Variants in RACGAP1 observed in about 807,000 individuals in gnomAD.
RACGAP1 encodes Rac GTPase activating protein 1.
Under a neutral mutation model 78.1 loss-of-function variants are expected in RACGAP1, and 30 were observed. The ratio of observed to expected loss-of-function variants is 0.38; its 90% confidence interval spans 0.29 to 0.52. The LOEUF (loss-of-function observed/expected upper bound fraction) is 0.52. Ranked by LOEUF, RACGAP1 falls within the 20% of genes least tolerant of loss-of-function variation. RACGAP1 has a pLI of 0.82. For missense variants in RACGAP1, 587 were observed against 777.1 expected, an observed-to-expected ratio of 0.76 and a Z score of 2.91; for synonymous variants, 231 against 264.8, an observed-to-expected ratio of 0.87 and a Z score of 1.24.
intron 2 of RACGAP1, among the ~76,000 whole-genome samples, chr12:50,030,848 C>T (rs932807037): frequency 3.3e-5 from 5 of 151,628 alleles, no homozygotes; most frequent in Non-Finnish European, 5.9e-5. Flanking sequence ...GGCGTGATCT[C>T]GGCCCACTGC....
intron 3 of RACGAP1, 71 bp from the exon 4 acceptor site, chr12:50,005,463 A>G (rs1334679305): frequency 1.4e-5 from 22 of 1,567,708 alleles, no homozygotes; most frequent in African/African-American, 1.2e-4. Flanking sequence ...TTTATGGGAC[A>G]GGCAGACCAG....
At chr12:50,006,065 G>GT (rs1948957099) in intron 3 of RACGAP1, among the ~76,000 whole-genome samples, 1 of 152,202 alleles carries the variant, frequency 6.6e-6, no homozygotes, top group South Asian at 2.1e-4. Flanking sequence ...AGCTACTCAT[G>GT]TAAGGATGGA....
chr12:49,996,628 TAAAAAAAAAAAAAAAAAAAAAAAAAAA>T (rs57512055), intron 10 of RACGAP1, among the ~76,000 whole-genome samples: 3 of 18,996 alleles, frequency 1.6e-4, no homozygotes, highest in South Asian at 1.8e-3. Context: ...GCAATAGAGC[TAAAAAAAAAAAAAAAAAAAAAAAAAAA>T]AAAAAAAAAA....
intron 15 of RACGAP1, among the ~76,000 whole-genome samples, chr12:49,991,453 A>T (rs1331042745): frequency 1.3e-5 from 1 of 79,056 alleles, no homozygotes. Flanking sequence ...TTATATTTAA[A>T]CTATTATATA....
chr12:49,999,467 A>G, intron 8 of RACGAP1, 149 bp downstream of exon 8: 1 of 963,872 alleles, frequency 1.0e-6, no homozygotes, highest in South Asian at 1.6e-5. Flanking sequence ...GTAAAGCATG[A>G]CACAAGCAGT....
At chr12:50,018,981 C>A (rs1051859051) in intron 1 of RACGAP1, among the ~76,000 whole-genome samples, 1 of 152,030 alleles carries the variant, frequency 6.6e-6, no homozygotes, top group Non-Finnish European at 1.5e-5. Context: ...CTGTTCTACT[C>A]TTCCTGTTCA....
rs145954463 is a variant in RACGAP1, at chr12:50,030,646, G to A, written c.-24+1051C>T. ...AGAGGTTGCAGTAACCCGCGATTGC[G>A]CCACTGCACTCCAGACTGGGCGACA... On this transcript the variant is annotated intron_variant, in intron 2 of 3. Transcript: ENST00000548247. Among the ~76,000 whole-genome samples the A allele has an allele frequency of 3.8e-3, 576 of 151,524 alleles. 4 individuals carry two copies. Among genetic ancestry groups the A allele is most frequent in the African/African-American group, 0.013 (530 of 41,264 alleles).
At chr12:49,994,027 G>T in intron 12 of RACGAP1, 104 bp downstream of exon 12, 1 of 1,149,512 alleles carries the variant, frequency 8.7e-7, no homozygotes, top group Non-Finnish European at 1.2e-6. Flanking sequence ...CTGGGCGAGA[G>T]TGAGACTCTG....
chr12:50,002,250 C>CT lies in RACGAP1; in HGVS notation c.545dup (p.Arg183GlufsTer5). On this transcript the variant is annotated frameshift_variant, in exon 6 of 17. Transcript: ENST00000312377. LOFTEE classifies it high-confidence loss of function. ...AGACTAAACAAATCATACATACCCTCTTTTCTCTCTTCTTCAGTTTGAAAG... is the reference window on the plus strand; with the variant it reads ...AGACTAAACAAATCATACATACCCTCTTTTTCTCTCTTCTTCAGTTTGAAAG... The CT allele has an allele frequency of 6.2e-7, 1 of 1,613,124 alleles. No homozygotes were observed. The highest frequency in any genetic ancestry group is 8.5e-7 in the Non-Finnish European group (1 of 1,179,450).
At chr12:50,018,700 G>A (rs1051893541) in intron 1 of RACGAP1, 19 of 376,704 alleles carry the variant, frequency 5.0e-5, no homozygotes, top group African/African-American at 1.9e-4. Flanking sequence ...TCAATACCAC[G>A]GCAAAACTTC....
At chr12:50,022,604 A>G (rs1391891834) in intron 1 of RACGAP1, among the ~76,000 whole-genome samples, 1 of 152,184 alleles carries the variant, frequency 6.6e-6, no homozygotes, top group Non-Finnish European at 1.5e-5. Context: ...AAACGAAAAC[A>G]AAAACAAAAA....
At chr12:50,021,456 GAA>G (rs1950006019) in intron 1 of RACGAP1, among the ~76,000 whole-genome samples, 1 of 152,318 alleles carries the variant, frequency 6.6e-6, no homozygotes, top group Admixed American at 6.5e-5. Flanking sequence ...GAAACACCAT[GAA>G]AGAGTCTCAG....
upstream of RACGAP1, among the ~76,000 whole-genome samples, chr12:50,027,782 T>C (rs1466513543): frequency 6.6e-6 from 1 of 152,130 alleles, no homozygotes; most frequent in Non-Finnish European, 1.5e-5. Context: ...GCCGAGATCA[T>C]GCCACTGCAC....
At chr12:50,019,813 A>T (rs1949904865) in intron 1 of RACGAP1, 1 of 152,170 alleles carries the variant, frequency 6.6e-6, no homozygotes, top group South Asian at 2.1e-4. Flanking sequence ...TCATCTATAA[A>T]GTGAAAACAA....
At chr12:50,010,409 C>A (rs755640717) in intron 2 of RACGAP1, among the ~76,000 whole-genome samples, 2 of 151,592 alleles carry the variant, frequency 1.3e-5, no homozygotes, top group African/African-American at 4.9e-5. Flanking sequence ...CCACAACCTC[C>A]ACCTCCTGGG....
In RACGAP1 at chr12:49,990,089, TGAG is replaced by T. The variant is rs1036962007; in HGVS notation, c.*176_*178del. 6 of 492,484 alleles carry T rather than the reference TGAG, an allele frequency of 1.2e-5. No homozygotes were observed. The highest frequency in any genetic ancestry group is 9.8e-5 in the Admixed American group (3 of 30,578). The allele number at this position is 492,484 out of a possible 1,614,324, so 30.5% of individuals were successfully genotyped here. On this transcript the variant is annotated 3_prime_UTR_variant, in exon 17 of 17. Coordinates refer to ENST00000312377, the MANE Select transcript of RACGAP1 (RefSeq NM_001319999.2). ...CACAAAGTGCTGATATTATGTGACT[TGAG>T]GAGAAGGAAGGGGAGATATATATAG...
upstream of RACGAP1, among the ~76,000 whole-genome samples, chr12:50,029,786 G>C (rs956836542): frequency 2.0e-5 from 3 of 151,100 alleles, no homozygotes; most frequent in Non-Finnish European, 4.4e-5. Flanking sequence ...CCAGCTACTC[G>C]GGAGGCTGAG....
chr12:50,009,758 G>A (rs1949198376), intron 2 of RACGAP1, among the ~76,000 whole-genome samples: 2 of 152,176 alleles, frequency 1.3e-5, no homozygotes, highest in South Asian at 2.1e-4. Flanking sequence ...AGCTAAACCA[G>A]TCTGTCCCTG....
At chr12:50,015,376 A>G (rs1007282032) in intron 2 of RACGAP1, among the ~76,000 whole-genome samples, 1 of 152,140 alleles carries the variant, frequency 6.6e-6, no homozygotes, top group African/African-American at 2.4e-5. Context: ...TCTCCTTCAA[A>G]AAGAAATTAT....
Sources: allele counts gnomAD v4.1 joint callset (sites outside exome capture counted in the v4.1 genomes callset), GRCh38; gene constraint gnomAD v4.1.1; transcripts MANE v1.5; gene names NCBI Gene and HGNC (gene_info 2026-07-23, HGNC 2026-07-21).